TSPAN14: variants seen among roughly 807,000 people sequenced by gnomAD.
TSPAN14 encodes the protein tetraspanin-14.
In TSPAN14, 16 loss-of-function variants were observed where a neutral mutation model predicts 36.6. The ratio of observed to expected loss-of-function variants is 0.44; its 90% CI spans 0.30 to 0.66. The LOEUF (loss-of-function observed/expected upper bound fraction) is 0.66, where lower values mean the gene tolerates loss of function less well. Ranked by LOEUF, TSPAN14 falls within the 30% of genes least tolerant of loss-of-function variation. The pLI is 0.12. For synonymous variants in TSPAN14, 139 were observed against 143.8 expected (o/e 0.97, Z 0.24); for missense variants, 231 against 355.1 (o/e 0.65, Z 2.81).
chr10:80,464,007 C>A (rs1846106135), intron 1 of TSPAN14, among the ~76,000 whole-genome samples: 1 of 152,140 alleles, frequency 6.6e-6, no homozygotes, highest in African/African-American at 2.4e-5. Flanking sequence ...AGCCTGTGCC[C>A]CTAAAAGTGT....
At chr10:80,496,401 C>T (rs1284480560) in intron 2 of TSPAN14, among the ~76,000 whole-genome samples, 5 of 152,210 alleles carry the variant, frequency 3.3e-5, no homozygotes, top group Non-Finnish European at 4.4e-5. Flanking sequence ...TCTCCTCCCA[C>T]CTCCAGGCTG....
Position 80,517,888 on chromosome 10 carries a change from G to C in TSPAN14, c.742-17G>C. 1 of 1,558,050 alleles carries C rather than the reference G, an allele frequency of 6.4e-7. No homozygotes were observed. On this transcript the variant is annotated splice_polypyrimidine_tract_variant and intron_variant, in intron 8 of 8. Coordinates refer to ENST00000429989, the Ensembl canonical transcript of TSPAN14. The stretch of plus-strand genomic sequence containing the variant: ...GGCCCCAGCAATGGCCGCTGACTCT[G>C]CTGGTGTTGGTTTCAGATATTTGGC...
At chr10:80,481,832 C>T (rs1432484869) in intron 1 of TSPAN14, among the ~76,000 whole-genome samples, 1 of 151,834 alleles carries the variant, frequency 6.6e-6, no homozygotes, top group African/African-American at 2.4e-5. Context: ...TCGCTCACTG[C>T]AAGCTCTGCC....
At chr10:80,496,562 T>C (rs149241279) in intron 2 of TSPAN14, among the ~76,000 whole-genome samples, 8 of 152,370 alleles carry the variant, frequency 5.3e-5, no homozygotes, top group Non-Finnish European at 1.0e-4. Context: ...TTAGCCATTA[T>C]GTTTTCAAAC....
At chr10:80,454,665 C>T (rs1039582781) in intron 1 of TSPAN14, among the ~76,000 whole-genome samples, 9 of 152,102 alleles carry the variant, frequency 5.9e-5, no homozygotes, top group Admixed American at 4.6e-4. Flanking sequence ...GGTTCGGTAG[C>T]CCTCGCCCCA....
intron 1 of TSPAN14, among the ~76,000 whole-genome samples, chr10:80,472,170 C>T (rs941903578): frequency 2.0e-4 from 30 of 152,250 alleles, no homozygotes; most frequent in African/African-American, 5.8e-4. Flanking sequence ...CCAATGGGGC[C>T]CAAGGCCTGA....
rs762541896 is a variant in TSPAN14 at position 80,517,973 on chromosome 10, CTGAGGAGCAGAGT to C, written c.*3_*15del. On this transcript the variant is annotated stop_retained_variant and 3_prime_UTR_variant, in exon 9 of 9. Coordinates refer to ENST00000429989, the Ensembl canonical transcript of TSPAN14. ...AGGCAGTGAAGGCCGGCCATCACTT[CTGAGGAGCAGAGT>C]TGAGGGAGCCGAGCTGAGCCACGCT... is the stretch of plus-strand genomic sequence containing the variant. The C allele has an allele frequency of 8.7e-5, 136 of 1,558,870 alleles. 2 individuals carry two copies. In the East Asian group the frequency reaches 3.2e-3, roughly 37 times the overall value.
chr10:80,481,384 A>G (rs564977158), intron 1 of TSPAN14, among the ~76,000 whole-genome samples: 2 of 152,356 alleles, frequency 1.3e-5, no homozygotes, highest in African/African-American at 4.8e-5. Context: ...TCGGTTAAAT[A>G]TTGATAAATT....
intron 1 of TSPAN14, among the ~76,000 whole-genome samples, chr10:80,454,673 C>T (rs996246929): frequency 6.6e-5 from 10 of 152,112 alleles, no homozygotes; most frequent in Admixed American, 4.6e-4. Context: ...AGCCCTCGCC[C>T]CATCAGCGCG....
rs778909750 is a variant in TSPAN14 at position 80,514,017 on chromosome 10, A to G, written c.577-2A>G. The G allele has an allele frequency of 6.2e-7, 1 of 1,613,816 alleles. No homozygotes were observed. The highest frequency in any genetic ancestry group is 8.5e-7 in the Non-Finnish European group (1 of 1,179,856). On this transcript the variant is annotated splice_acceptor_variant, in intron 6 of 8. Transcript: ENST00000429989. LOFTEE classifies it high-confidence loss of function. ...CAACTAATTTTTCTGCTTTTCTTGCAGCAAAAAGTTGTGAACACACAGTGT... is the reference window on the plus strand; with the variant it reads ...CAACTAATTTTTCTGCTTTTCTTGCGGCAAAAAGTTGTGAACACACAGTGT...
intron 1 of TSPAN14, among the ~76,000 whole-genome samples, chr10:80,485,201 G>GTA (rs1491013510): frequency 3.7e-5 from 2 of 53,522 alleles, no homozygotes; most frequent in Non-Finnish European, 1.1e-4. Flanking sequence ...TCATGCGTGC[G>GTA]TGTGTGTGTG....
At chr10:80,455,865 C>A (rs1845712964) in intron 1 of TSPAN14, among the ~76,000 whole-genome samples, 1 of 152,124 alleles carries the variant, frequency 6.6e-6, no homozygotes, top group South Asian at 2.1e-4. Context: ...AGGTGTGAGC[C>A]ACCACGCGCA....
At chr10:80,460,599 G>A (rs1157161221) in intron 1 of TSPAN14, among the ~76,000 whole-genome samples, 8 of 152,148 alleles carry the variant, frequency 5.3e-5, no homozygotes, top group Non-Finnish European at 1.0e-4. Flanking sequence ...AAGAGTAGGG[G>A]ACAGGTTTCT....
chr10:80,469,886 GT>G (rs569308826), intron 1 of TSPAN14, among the ~76,000 whole-genome samples: 3 of 151,510 alleles, frequency 2.0e-5, no homozygotes, highest in African/African-American at 4.8e-5. Flanking sequence ...TTTGAGGTGG[GT>G]TTTTTTTGTC....
At chr10:80,507,496 G>A (rs1329139343) in intron 4 of TSPAN14, 122 bp downstream of exon 4, 4 of 1,389,212 alleles carry the variant, frequency 2.9e-6, no homozygotes, top group Middle Eastern at 1.9e-4. Context: ...CTAGGCCCCT[G>A]CCTGGGAGCA....
At chr10:80,477,456 T>A (rs568288566) in intron 1 of TSPAN14, among the ~76,000 whole-genome samples, 2 of 152,192 alleles carry the variant, frequency 1.3e-5, no homozygotes, top group East Asian at 3.9e-4. Flanking sequence ...TAAAGGGAGT[T>A]GTAAAAAAGA....
chr10:80,477,728 G>T (rs901275004), intron 1 of TSPAN14, among the ~76,000 whole-genome samples: 2 of 152,056 alleles, frequency 1.3e-5, no homozygotes, highest in East Asian at 3.8e-4. Flanking sequence ...GCTGCATGTT[G>T]CACATTTCTG....
chr10:80,468,696 A>G (rs917912611), intron 1 of TSPAN14: 4 of 151,274 alleles, frequency 2.6e-5, no homozygotes, highest in African/African-American at 9.7e-5. Context: ...AGGTAACCCA[A>G]GTGATTTGAA....
intron 1 of TSPAN14, among the ~76,000 whole-genome samples, chr10:80,479,519 A>T (rs1021122527): frequency 1.6e-4 from 25 of 152,316 alleles, no homozygotes; most frequent in African/African-American, 5.8e-4. Flanking sequence ...ATGGCTAGCC[A>T]GTTTTCCCAG....
Sources: allele counts gnomAD v4.1 joint callset (sites outside exome capture counted in the v4.1 genomes callset), GRCh38; gene constraint gnomAD v4.1.1; transcripts MANE v1.5; gene names NCBI Gene and HGNC (gene_info 2026-07-23, HGNC 2026-07-21).